Variants in OMA1 observed in about 807,000 individuals in gnomAD.
OMA1 encodes the protein metalloendopeptidase OMA1, mitochondrial.
OMA1 carries 38 observed loss-of-function variants against 30.9 expected under a neutral mutation model. The observed-to-expected ratio is 1.23, with a 90% CI of 0.95 to 1.61. The LOEUF is 1.61. Among genes scored for constraint, OMA1 ranks in the 40% most tolerant of loss-of-function variants. The pLI, the probability that OMA1 is intolerant of heterozygous loss-of-function variation, is 0.00. For synonymous variants in OMA1, 173 were observed against 121.9 expected (o/e 1.42, Z -2.76); for missense variants, 461 against 349.2 (o/e 1.32, Z -2.55).
At chr1:58,531,251 T>A (rs1646429959) in intron 5 of OMA1, among the ~76,000 whole-genome samples, 1 of 152,108 alleles carries the variant, frequency 6.6e-6, no homozygotes, top group Admixed American at 6.5e-5. Flanking sequence ...CAAGAAAAAA[T>A]TCAGAAAAAG....
intron 7 of OMA1, among the ~76,000 whole-genome samples, chr1:58,526,213 G>C (rs1352440738): frequency 6.6e-6 from 1 of 152,006 alleles, no homozygotes; most frequent in Admixed American, 6.6e-5. Flanking sequence ...CCTTATGTGG[G>C]AACTTCTTAG....
At chr1:58,514,753 A>T (rs934274859) in intron 7 of OMA1, among the ~76,000 whole-genome samples, 6 of 152,226 alleles carry the variant, frequency 3.9e-5, no homozygotes, top group African/African-American at 1.4e-4. Context: ...AACAGATATA[A>T]AAATGATCAT....
intron 7 of OMA1, among the ~76,000 whole-genome samples, chr1:58,518,364 A>AGAAGG (rs1646205970): frequency 7.3e-6 from 1 of 136,390 alleles, no homozygotes; most frequent in Non-Finnish European, 1.6e-5. Flanking sequence ...GGAAGGGAAG[A>AGAAGG]GAAGAGAAGG....
At chr1:58,535,797 G>A (rs899149829) in intron 3 of OMA1, among the ~76,000 whole-genome samples, 13 of 152,006 alleles carry the variant, frequency 8.6e-5, no homozygotes, top group Admixed American at 7.9e-4. Flanking sequence ...ACTTTCCAAA[G>A]AGGTAAGACT....
chr1:58,487,624 T>C (rs1211881316), intron 8 of OMA1, among the ~76,000 whole-genome samples: 1 of 152,210 alleles, frequency 6.6e-6, no homozygotes. Context: ...GCTAATTTAT[T>C]ATGACTCTAT....
intron 7 of OMA1, among the ~76,000 whole-genome samples, chr1:58,516,595 A>G (rs2100440180): frequency 6.6e-6 from 1 of 152,336 alleles, no homozygotes; most frequent in South Asian, 2.1e-4. Context: ...TTTGCACAAT[A>G]AAATCACTCA....
intron 1 of OMA1, among the ~76,000 whole-genome samples, chr1:58,541,789 T>C (rs115513802): frequency 0.029 from 4,417 of 152,252 alleles, 84 homozygotes; most frequent in Non-Finnish European, 0.045. Context: ...GAAGGATCTG[T>C]TCATGATAAA....
intron 8 of OMA1, among the ~76,000 whole-genome samples, chr1:58,484,093 C>T (rs1256627710): frequency 6.6e-6 from 1 of 152,176 alleles, no homozygotes; most frequent in East Asian, 1.9e-4. Flanking sequence ...CTTATTCAGT[C>T]TTTTTAATAC....
At chr1:58,483,027 G>C (rs1229731879) in intron 8 of OMA1, among the ~76,000 whole-genome samples, 3 of 152,174 alleles carry the variant, frequency 2.0e-5, no homozygotes, top group Admixed American at 6.5e-5. Flanking sequence ...CTTAAAATCT[G>C]TTCTATTCTC....
intron 8 of OMA1, among the ~76,000 whole-genome samples, chr1:58,481,415 G>C (rs548032006): frequency 6.6e-6 from 1 of 152,056 alleles, no homozygotes; most frequent in South Asian, 2.1e-4. Context: ...TTAATAATCT[G>C]TAACAACTGC....
intron 8 of OMA1, among the ~76,000 whole-genome samples, chr1:58,487,786 C>G (rs1569870318): frequency 1.3e-5 from 2 of 152,248 alleles, no homozygotes; most frequent in East Asian, 3.9e-4. Flanking sequence ...CAATTCCCCT[C>G]CCCCCTCAAC....
intron 8 of OMA1, among the ~76,000 whole-genome samples, chr1:58,490,976 T>A (rs1187835749): frequency 6.6e-6 from 1 of 151,500 alleles, no homozygotes; most frequent in African/African-American, 2.4e-5. Context: ...CGGCTAAATT[T>A]TTTTGTATTT....
intron 8 of OMA1, among the ~76,000 whole-genome samples, chr1:58,501,705 AC>A (rs370126006): frequency 3.5e-4 from 53 of 151,996 alleles, no homozygotes; most frequent in African/African-American, 1.2e-3. Context: ...CTATTCCTGC[AC>A]CCCTCCCATC....
intron 1 of OMA1, 148 bp from the exon 2 acceptor site, chr1:58,539,458 CA>C (rs1408883494): frequency 1.7e-6 from 1 of 583,150 alleles, no homozygotes; most frequent in Admixed American, 3.4e-5. Context: ...ACCCCTAGAG[CA>C]ACGCCTTTCA....
At chr1:58,537,659 T>C (rs1646538598) in intron 2 of OMA1, among the ~76,000 whole-genome samples, 1 of 152,224 alleles carries the variant, frequency 6.6e-6, no homozygotes. Context: ...TTACCATATA[T>C]ACATCATTCT....
At chr1:58,499,509 A>ATAG (rs776144705) in intron 8 of OMA1, among the ~76,000 whole-genome samples, 4,944 of 42,860 alleles carry the variant, frequency 0.12, 87 homozygotes, top group Non-Finnish European at 0.13. Flanking sequence ...TAGATAGATA[A>ATAG]ATAGATAGAT....
At chr1:58,492,844 G>A (rs1272627261) in intron 8 of OMA1, among the ~76,000 whole-genome samples, 2 of 152,182 alleles carry the variant, frequency 1.3e-5, no homozygotes, top group African/African-American at 2.4e-5. Flanking sequence ...GGTACAAGAA[G>A]GAGCTGGTAC....
intron 2 of OMA1, 130 bp from the exon 3 acceptor site, chr1:58,536,871 C>A: frequency 5.1e-6 from 3 of 587,548 alleles, no homozygotes; most frequent in South Asian, 4.6e-5. Context: ...CTGAATACAT[C>A]GCTTTTCCAA....
At chr1:58,519,749 A>C (rs1164955560) in intron 7 of OMA1, among the ~76,000 whole-genome samples, 2 of 152,216 alleles carry the variant, frequency 1.3e-5, no homozygotes, top group East Asian at 3.8e-4. Context: ...ATTTTTAAAA[A>C]AATATATGAT....
Sources: allele counts gnomAD v4.1 joint callset (sites outside exome capture counted in the v4.1 genomes callset), GRCh38; gene constraint gnomAD v4.1.1; transcripts MANE v1.5; gene names NCBI Gene and HGNC (gene_info 2026-07-23, HGNC 2026-07-21).